Variants in NRG2 observed in about 807,000 individuals in gnomAD.
The protein encoded by NRG2 is neuregulin 2.
NRG2 carries 27 observed loss-of-function variants against 73.9 expected under a neutral mutation model. The ratio of observed to expected loss-of-function variants is 0.37; its 90% CI spans 0.27 to 0.50. The LOEUF is 0.50. NRG2 is among the 20% of genes least tolerant of loss of function. The probability of loss-of-function intolerance (pLI) is 0.96; values close to 1 mark genes in which losing one functional copy is unlikely to be tolerated. For synonymous variants in NRG2, 532 were observed against 541.0 expected, an observed-to-expected ratio of 0.98 and a Z score of 0.23; for missense variants, 1,126 against 1,210.1, an observed-to-expected ratio of 0.93 and a Z score of 1.03.
chr5:139,878,112 G>C (rs1316583796), intron 3 of NRG2, among the ~76,000 whole-genome samples: 1 of 152,270 alleles, frequency 6.6e-6, no homozygotes, highest in Non-Finnish European at 1.5e-5. Context: ...CCCTGTGCAA[G>C]AGAGAGGGCA....
chr5:139,936,594 C>A (rs1752869306), intron 1 of NRG2, among the ~76,000 whole-genome samples: 2 of 152,004 alleles, frequency 1.3e-5, no homozygotes, highest in African/African-American at 2.4e-5. Flanking sequence ...GAAGGAATAC[C>A]AAATTCTATG....
Position 139,852,826 on chromosome 5 carries a change from G to C in NRG2, c.1416+78C>G. On this transcript the variant is annotated intron_variant, in intron 7 of 9. Coordinates refer to ENST00000361474, the MANE Select transcript of NRG2 (RefSeq NM_004883.3). The surrounding 1 kb of genome is among the most constrained non-coding windows in gnomAD (Gnocchi z 4.4). The stretch of plus-strand genomic sequence containing the variant: ...CATGGGATAGGCTGGCTGCTGCCCT[G>C]GCCCATCCTTGCAGGGGGCATGAGA... The C allele has an allele frequency of 1.3e-6, 2 of 1,591,192 alleles. No individual in the cohort carries two copies. Among genetic ancestry groups the C allele is most frequent in the South Asian group, 2.3e-5 (2 of 88,242 alleles).
At chr5:140,034,984 G>A (rs562884117) in intron 1 of NRG2, among the ~76,000 whole-genome samples, 67 of 152,266 alleles carry the variant, frequency 4.4e-4, no homozygotes, top group Non-Finnish European at 8.2e-4. Flanking sequence ...GACTTTGGGA[G>A]GTCAAAGTGG....
Position 139,989,553 on chromosome 5 carries a change from A to G in NRG2, c.700+52817T>C, listed in dbSNP as rs193155570. Reference sequence around the variant, plus strand: ...CATCTATAAGAGTTCCTAAATACACATATTTTTAAAGTTTTTAATTTAATA... The same window carrying G: ...CATCTATAAGAGTTCCTAAATACACGTATTTTTAAAGTTTTTAATTTAATA... On this transcript the variant is annotated intron_variant, in intron 1 of 9. Coordinates refer to ENST00000361474, the MANE Select transcript of NRG2 (RefSeq NM_004883.3). Among the ~76,000 whole-genome samples the G allele has an allele frequency of 1.7e-3, 265 of 152,052 alleles. 3 individuals are homozygous for G. The highest frequency in any genetic ancestry group is 6.1e-3 in the African/African-American group (252 of 41,506).
At chr5:139,968,875 A>G (rs989368384) in intron 1 of NRG2, among the ~76,000 whole-genome samples, 3 of 152,242 alleles carry the variant, frequency 2.0e-5, no homozygotes, top group Non-Finnish European at 2.9e-5. Context: ...GCCTCAGCCC[A>G]GGAGGAGAGG....
At chr5:139,969,983 C>G (rs1387600779) in intron 1 of NRG2, among the ~76,000 whole-genome samples, 1 of 152,154 alleles carries the variant, frequency 6.6e-6, no homozygotes, top group African/African-American at 2.4e-5. Context: ...GGCATTGTGC[C>G]CCTCACTTTA....
chr5:140,026,847 A>G (rs960524221), intron 1 of NRG2, among the ~76,000 whole-genome samples: 1 of 152,290 alleles, frequency 6.6e-6, no homozygotes, highest in Admixed American at 6.5e-5. Context: ...TGTCCTAAAC[A>G]TAACAGGGTA....
At position 139,914,681 on chromosome 5, in the gene NRG2, C is replaced by T. The variant is rs551339840; in HGVS notation, c.701-27170G>A. 1.3e-4 allele frequency among the ~76,000 whole-genome samples: 20 copies of T among 152,312 alleles called. No individual in the cohort carries two copies. The South Asian group carries it at 4.1e-3, about 32-fold the overall frequency. The stretch of plus-strand genomic sequence containing the variant: ...ATAACTCTGTTTGGGATTATTTTTG[C>T]CCAGAGGTATGAGCTGCATTTCTGC... On this transcript the variant is annotated intron_variant, in intron 1 of 9. Coordinates refer to ENST00000361474, the MANE Select transcript of NRG2 (RefSeq NM_004883.3).
intron 1 of NRG2, among the ~76,000 whole-genome samples, chr5:140,027,152 A>G (rs1013400505): frequency 6.8e-6 from 1 of 147,474 alleles, no homozygotes; most frequent in African/African-American, 2.5e-5. Context: ...GGCTAATTTC[A>G]AAAAAAAAAA....
intron 1 of NRG2, among the ~76,000 whole-genome samples, chr5:139,943,313 AT>A (rs369698409): frequency 2.0e-5 from 3 of 150,460 alleles, no homozygotes; most frequent in African/African-American, 4.9e-5. Context: ...TGCCTGGCTA[AT>A]TTTTTTTGTA....
chr5:139,971,813 A>G (rs1345351712), intron 1 of NRG2, among the ~76,000 whole-genome samples: 2 of 152,234 alleles, frequency 1.3e-5, no homozygotes, highest in Admixed American at 1.3e-4. Flanking sequence ...GTAGTACTTT[A>G]CAACATATCT....
intron 1 of NRG2, among the ~76,000 whole-genome samples, chr5:139,910,036 G>T (rs1373522704): frequency 1.3e-5 from 2 of 152,208 alleles, no homozygotes; most frequent in African/African-American, 4.8e-5. Context: ...GAAGGGGGCT[G>T]TATCGGCTGG....
chr5:139,922,070 C>CAAAA (rs35988908), intron 1 of NRG2, among the ~76,000 whole-genome samples: 2 of 77,178 alleles, frequency 2.6e-5, no homozygotes, highest in African/African-American at 4.3e-5. Context: ...GATTCTGTCT[C>CAAAA]AAAAAAAAAA....
intron 1 of NRG2, among the ~76,000 whole-genome samples, chr5:139,909,225 G>A (rs1335515536): frequency 1.3e-5 from 2 of 152,178 alleles, no homozygotes; most frequent in African/African-American, 4.8e-5. Flanking sequence ...CTTCCACTTT[G>A]AGGCTGTGCC....
intron 1 of NRG2, among the ~76,000 whole-genome samples, chr5:139,959,937 G>A (rs1314370869): frequency 6.6e-6 from 1 of 152,222 alleles, no homozygotes; most frequent in Non-Finnish European, 1.5e-5. Context: ...TGGCATTGAG[G>A]AAAAGGTGAG....
At chr5:140,000,892 G>A (rs1328053187) in intron 1 of NRG2, among the ~76,000 whole-genome samples, 2 of 152,176 alleles carry the variant, frequency 1.3e-5, no homozygotes, top group Non-Finnish European at 2.9e-5. Flanking sequence ...CTTCAAAAAC[G>A]TCAGTGGCTT....
chr5:140,013,943 C>T (rs1759567399), intron 1 of NRG2, among the ~76,000 whole-genome samples: 1 of 152,210 alleles, frequency 6.6e-6, no homozygotes. Context: ...TTCTTCTCTT[C>T]TCTCTAACCC....
rs1761194758 is a variant in NRG2, at chr5:139,848,645, A to G, written c.1825T>C (p.Tyr609His). ...PARLSPVDFHYSLATQVPTFE... is the reference protein window; with the variant it reads ...PARLSPVDFHHSLATQVPTFE... ...GTTGGCACCTGCGTGGCCAGCGAGT[A>G]GTGGAAGTCCACGGGCGAGAGGCGC... Residue 609 changes from tyrosine (Y) to histidine (H), a missense_variant, in exon 10 of 10, where the codon TAC (tyrosine) becomes CAC (histidine). Around this residue, in one of 3 missense-constraint regions of NRG2, gnomAD observed 539 missense variants for 703.2 expected, o/e 0.77. Transcript: ENST00000361474. 3 of 1,574,934 alleles carry G rather than the reference A, an allele frequency of 1.9e-6. No individual in the cohort carries two copies. Among genetic ancestry groups the G allele is most frequent in the Non-Finnish European group, 2.6e-6 (3 of 1,170,058 alleles).
intron 1 of NRG2, among the ~76,000 whole-genome samples, chr5:139,957,316 TGTGTG>T (rs1754707266): frequency 9.2e-6 from 1 of 108,534 alleles, no homozygotes; most frequent in Non-Finnish European, 1.9e-5. Context: ...TCTGTGTGTG[TGTGTG>T]TGTGTGTGTG....
Sources: allele counts gnomAD v4.1 joint callset (sites outside exome capture counted in the v4.1 genomes callset), GRCh38; gene constraint gnomAD v4.1.1; regional missense constraint gnomAD v4.1.1; non-coding constraint Gnocchi (gnomAD v3.1); transcripts MANE v1.5; gene names NCBI Gene and HGNC (gene_info 2026-07-23, HGNC 2026-07-21).